EYA2: variants seen among roughly 807,000 people sequenced by gnomAD.
EYA2 encodes the protein EYA transcriptional coactivator and phosphatase 2, also known as protein phosphatase EYA2.
Under a neutral mutation model 69.2 loss-of-function variants are expected in EYA2, and 31 were observed. The ratio of observed to expected loss-of-function variants is 0.45; its 90% CI spans 0.34 to 0.60. The LOEUF (loss-of-function observed/expected upper bound fraction) is 0.60, where lower values mean the gene tolerates loss of function less well. EYA2 is among the 20% of genes least tolerant of loss of function. The probability of loss-of-function intolerance (pLI) is 0.02; values close to 1 mark genes in which losing one functional copy is unlikely to be tolerated. For missense variants in EYA2, 622 were observed against 701.2 expected (o/e 0.89, Z 1.28); for synonymous variants, 257 against 279.4 (o/e 0.92, Z 0.80).
chr20:47,120,474 G>A (rs1318948644), intron 9 of EYA2, among the ~76,000 whole-genome samples: 1 of 152,222 alleles, frequency 6.6e-6, no homozygotes, highest in Non-Finnish European at 1.5e-5. Flanking sequence ...TTGTTAGACC[G>A]CTGAGCCCAG....
chr20:46,925,659 A>C (rs1985382633), intron 1 of EYA2, among the ~76,000 whole-genome samples: 1 of 152,248 alleles, frequency 6.6e-6, no homozygotes, highest in South Asian at 2.1e-4. Context: ...TTCAAAGTTT[A>C]TGAACATACT....
In EYA2 at chr20:46,909,181, C is replaced by G. The variant is rs541613487; in HGVS notation, c.-11+14194C>G. On this transcript the variant is annotated intron_variant, in intron 1 of 15. Coordinates refer to ENST00000327619, the MANE Select transcript of EYA2 (RefSeq NM_005244.5). ...TGATTTAAGAGTGGTGAAATGTTTGCAGGTCTCATAAATGGTTGTCAGCCA... is the reference window on the plus strand; with the variant it reads ...TGATTTAAGAGTGGTGAAATGTTTGGAGGTCTCATAAATGGTTGTCAGCCA... 7.2e-5 allele frequency among the ~76,000 whole-genome samples: 11 copies of G among 152,120 alleles called. No individual in the cohort carries two copies. The South Asian group carries it at 2.3e-3, about 32-fold the overall frequency.
intron 10 of EYA2, among the ~76,000 whole-genome samples, chr20:47,152,011 G>T (rs116502012): frequency 2.8e-4 from 43 of 152,140 alleles, no homozygotes; most frequent in Non-Finnish European, 5.0e-4. Flanking sequence ...AATTAAGTAG[G>T]TTAACGTCGT....
chr20:47,015,131 C>T (rs1983331218), intron 4 of EYA2, among the ~76,000 whole-genome samples: 1 of 152,094 alleles, frequency 6.6e-6, no homozygotes, highest in Admixed American at 6.5e-5. Flanking sequence ...AATTGTGTTC[C>T]ATAAAGCTGG....
At chr20:46,910,257 A>G (rs771968220) in intron 1 of EYA2, among the ~76,000 whole-genome samples, 13 of 152,162 alleles carry the variant, frequency 8.5e-5, no homozygotes, top group South Asian at 2.1e-4. Context: ...GGAAGCAGGC[A>G]CGACTTACAT....
intron 5 of EYA2, among the ~76,000 whole-genome samples, chr20:47,056,377 T>C (rs1052655869): frequency 1.3e-5 from 2 of 151,974 alleles, no homozygotes; most frequent in Non-Finnish European, 2.9e-5. Context: ...TTTTTTTTTT[T>C]AACCTTCCCT....
rs143102876 is a variant in EYA2, at chr20:46,963,012, G to A, written c.-10-26989G>A. On this transcript the variant is annotated intron_variant, in intron 1 of 15. Coordinates refer to ENST00000327619, the MANE Select transcript of EYA2 (RefSeq NM_005244.5). ...GGTGTATAAATACCACTGCTCCCTC[G>A]CTCTACCCCTCCACCCCGTGGGATG... Among the ~76,000 whole-genome samples the A allele has an allele frequency of 2.2e-3, 340 of 152,284 alleles. 2 individuals are homozygous for A. The highest frequency in any genetic ancestry group is 7.8e-3 in the African/African-American group (324 of 41,554).
intron 1 of EYA2, among the ~76,000 whole-genome samples, chr20:46,935,713 T>C (rs566063751): frequency 6.6e-6 from 1 of 152,272 alleles, no homozygotes; most frequent in African/African-American, 2.4e-5. Flanking sequence ...TGGTAAGTCC[T>C]GAGGAGAGTT....
At chr20:47,004,795 A>C in intron 3 of EYA2, 147 bp from the exon 4 acceptor site, 2 of 1,089,364 alleles carry the variant, frequency 1.8e-6, no homozygotes, top group South Asian at 2.7e-5. Context: ...GGCAGAGGAA[A>C]ATAAAATGGG....
chr20:47,018,103 G>A (rs992145916), intron 5 of EYA2, among the ~76,000 whole-genome samples: 7 of 152,186 alleles, frequency 4.6e-5, no homozygotes, highest in African/African-American at 1.7e-4. Flanking sequence ...GGAGGTGTGT[G>A]AAGGTACTGA....
chr20:47,001,619 A>G (rs1982378969), intron 3 of EYA2, 146 bp downstream of exon 3: 2 of 824,560 alleles, frequency 2.4e-6, no homozygotes, highest in Non-Finnish European at 4.0e-6. Flanking sequence ...AGCTTGAGCA[A>G]GTCACTCCAC....
intron 1 of EYA2, among the ~76,000 whole-genome samples, chr20:46,902,295 G>A (rs933827445): frequency 2.6e-5 from 4 of 152,158 alleles, no homozygotes; most frequent in Non-Finnish European, 4.4e-5. Context: ...ACACAGAGTT[G>A]TAAGACTTGT....
intron 5 of EYA2, among the ~76,000 whole-genome samples, chr20:47,022,557 G>T (rs996914499): frequency 6.6e-6 from 1 of 150,858 alleles, no homozygotes; most frequent in Non-Finnish European, 1.5e-5. Context: ...CAAGTGATCC[G>T]CCCACCTCAG....
chr20:47,057,147 A>AAGGG (rs973616175), intron 5 of EYA2, among the ~76,000 whole-genome samples: 11 of 109,910 alleles, frequency 1.0e-4, no homozygotes, highest in African/African-American at 1.4e-4. Context: ...GGGAGGAAGG[A>AAGGG]AGGAAGGAAG....
intron 5 of EYA2, among the ~76,000 whole-genome samples, chr20:47,029,241 C>T (rs950288035): frequency 6.6e-6 from 1 of 152,214 alleles, no homozygotes; most frequent in African/African-American, 2.4e-5. Context: ...GTCTCAGCCA[C>T]ATCAGCTGGA....
intron 4 of EYA2, among the ~76,000 whole-genome samples, chr20:47,012,376 A>T (rs1327068544): frequency 2.0e-5 from 3 of 152,202 alleles, no homozygotes; most frequent in African/African-American, 7.2e-5. Context: ...CTCTTAGAGC[A>T]GTGTTTCTCT....
At chr20:46,937,760 T>C (rs1985979060) in intron 1 of EYA2, among the ~76,000 whole-genome samples, 2 of 151,598 alleles carry the variant, frequency 1.3e-5, no homozygotes, top group Admixed American at 1.3e-4. Flanking sequence ...CCACATTAGC[T>C]AACAGAGGAA....
intron 1 of EYA2, among the ~76,000 whole-genome samples, chr20:46,984,441 C>T (rs1401214721): frequency 6.6e-6 from 1 of 151,656 alleles, no homozygotes; most frequent in African/African-American, 2.4e-5. Context: ...TCTGAACAGA[C>T]AATTTCCAAA....
chr20:46,960,590 C>G (rs547510871), intron 1 of EYA2, among the ~76,000 whole-genome samples: 1 of 152,276 alleles, frequency 6.6e-6, no homozygotes, highest in Admixed American at 6.5e-5. Flanking sequence ...ACCCTCTGCT[C>G]TAGTGCAGGG....
Sources: gnomAD v4.1 joint callset for allele counts (sites outside exome capture counted in the v4.1 genomes callset) on GRCh38, gnomAD v4.1.1 for gene constraint, MANE v1.5 for transcripts, NCBI Gene and HGNC (gene_info 2026-07-23, HGNC 2026-07-21) for gene names.